TERF1: variants seen among roughly 807,000 people sequenced by gnomAD.
The protein encoded by TERF1 is telomeric repeat-binding factor 1.
A neutral mutation model predicts 55.1 loss-of-function variants in TERF1; 20 were observed. The observed-to-expected ratio is 0.36, with a 90% confidence interval of 0.26 to 0.53. TERF1 has a LOEUF of 0.53. Ranked by LOEUF, TERF1 falls within the 20% of genes least tolerant of loss-of-function variation. The pLI is 0.91. For synonymous variants in TERF1, 168 were observed against 181.2 expected (o/e 0.93, Z 0.59); for missense variants, 439 against 535.7 (o/e 0.82, Z 1.78).
intron 2 of TERF1, 132 bp downstream of exon 2, chr8:73,014,122 T>G (rs1404233204): frequency 2.9e-6 from 1 of 349,862 alleles, no homozygotes; most frequent in East Asian, 6.0e-5. Context: ...GGGGGGGTGG[T>G]GTGTGTGTGT....
intron 6 of TERF1, among the ~76,000 whole-genome samples, chr8:73,028,761 G>A (rs114170225): frequency 0.012 from 1,878 of 152,070 alleles, 22 homozygotes; most frequent in African/African-American, 0.036. Context: ...CCTATATGAA[G>A]TCTTGCCCAG....
intron 8 of TERF1, among the ~76,000 whole-genome samples, chr8:73,037,873 T>TATATATAAATATG (rs1554557028): frequency 1.3e-4 from 15 of 114,684 alleles, no homozygotes; most frequent in Non-Finnish European, 1.2e-4. Flanking sequence ...TGATATATAA[T>TATATATAAATATG]ATATATAAAT....
chr8:73,020,463 A>T (rs1268597569), intron 2 of TERF1, among the ~76,000 whole-genome samples: 1 of 152,156 alleles, frequency 6.6e-6, no homozygotes, highest in Admixed American at 6.5e-5. Flanking sequence ...TGTAAAGAAA[A>T]TCTTCAAATG....
At chr8:73,014,816 G>GT (rs1283789606) in intron 2 of TERF1, among the ~76,000 whole-genome samples, 1 of 152,190 alleles carries the variant, frequency 6.6e-6, no homozygotes, top group African/African-American at 2.4e-5. Context: ...AGTCTGCTTT[G>GT]TTTGGGGGGT....
intron 8 of TERF1, among the ~76,000 whole-genome samples, chr8:73,037,827 A>G (rs1464530272): frequency 1.1e-5 from 1 of 92,322 alleles, no homozygotes; most frequent in African/African-American, 4.1e-5. Flanking sequence ...TATAATATAT[A>G]GTATAATAAT....
At chr8:73,017,707 C>CTTTTTTTTTTTTT (rs71949936) in intron 2 of TERF1, among the ~76,000 whole-genome samples, 1 of 140,232 alleles carries the variant, frequency 7.1e-6, no homozygotes. Flanking sequence ...TATTTTTTTT[C>CTTTTTTTTTTTTT]TTTTTTTTTT....
At chr8:73,034,200 C>T (rs954044807) in intron 8 of TERF1, among the ~76,000 whole-genome samples, 3 of 152,112 alleles carry the variant, frequency 2.0e-5, no homozygotes, top group South Asian at 2.1e-4. Flanking sequence ...GGATCAATCT[C>T]GGCTCACTGC....
At chr8:73,038,791 T>C in intron 8 of TERF1, 1 of 955,866 alleles carries the variant, frequency 1.0e-6, no homozygotes, top group Non-Finnish European at 1.2e-6. Flanking sequence ...TCCTAAAACA[T>C]TATCGTAAGA....
At chr8:73,042,991 A>G (rs1809895555) in intron 9 of TERF1, 1 of 152,212 alleles carries the variant, frequency 6.6e-6, no homozygotes, top group Admixed American at 6.5e-5. Context: ...ATCTGGTACA[A>G]TCAGTTAAAT....
intron 2 of TERF1, among the ~76,000 whole-genome samples, chr8:73,015,628 G>A (rs2129735427): frequency 6.6e-6 from 1 of 152,050 alleles, no homozygotes; most frequent in Admixed American, 6.5e-5. Context: ...ACGAGGCCAG[G>A]CAATAAAGAC....
intron 9 of TERF1, among the ~76,000 whole-genome samples, chr8:73,039,575 TAAAAAC>T (rs1215362946): frequency 6.6e-6 from 1 of 152,174 alleles, no homozygotes; most frequent in East Asian, 1.9e-4. Flanking sequence ...TTTCTTTACT[TAAAAAC>T]AAAGAAAAGA....
intron 6 of TERF1, 111 bp from the exon 7 acceptor site, chr8:73,030,225 T>C: frequency 1.4e-6 from 1 of 691,068 alleles, no homozygotes; most frequent in Non-Finnish European, 2.3e-6. Context: ...AAGGTTTCTT[T>C]CCAAAGTTAT....
At chr8:73,012,966 TA>T (rs1335246034) in intron 1 of TERF1, 2 of 455,848 alleles carry the variant, frequency 4.4e-6, no homozygotes, top group Non-Finnish European at 8.8e-6. Context: ...AAATTCTATA[TA>T]AATTTTGTGC....
chr8:73,039,368 G>A, intron 9 of TERF1, 149 bp downstream of exon 9: 1 of 556,006 alleles, frequency 1.8e-6, no homozygotes, highest in Non-Finnish European at 3.2e-6. Flanking sequence ...TTAGATAGGT[G>A]ACTAATCAGC....
At chr8:73,014,992 G>A (rs1247200821) in intron 2 of TERF1, among the ~76,000 whole-genome samples, 1 of 152,222 alleles carries the variant, frequency 6.6e-6, no homozygotes, top group Non-Finnish European at 1.5e-5. Context: ...TGACACTGTT[G>A]TTAACAGGGT....
intron 8 of TERF1, chr8:73,038,630 C>G (rs1809703599): frequency 3.6e-6 from 1 of 278,018 alleles, no homozygotes. Flanking sequence ...TCTTTTAATT[C>G]TATTTGTAGA....
intron 1 of TERF1, chr8:73,011,884 A>T (rs1808295548): frequency 6.6e-6 from 1 of 151,470 alleles, no homozygotes; most frequent in African/African-American, 2.4e-5. Flanking sequence ...TTACTTTCTT[A>T]TCATTTATGT....
chr8:73,013,440 G>T (rs1185810910), intron 1 of TERF1, among the ~76,000 whole-genome samples: 3 of 152,146 alleles, frequency 2.0e-5, no homozygotes, highest in Non-Finnish European at 4.4e-5. Context: ...TGTAATCACT[G>T]CCTGACTCAA....
At chr8:73,043,947 G>A (rs1015655864) in intron 9 of TERF1, among the ~76,000 whole-genome samples, 1 of 152,174 alleles carries the variant, frequency 6.6e-6, no homozygotes, top group Non-Finnish European at 1.5e-5. Flanking sequence ...GCTCTTTAAA[G>A]AGAGTTTATG....
Sources: allele counts gnomAD v4.1 joint callset (sites outside exome capture counted in the v4.1 genomes callset), GRCh38; gene constraint gnomAD v4.1.1; transcripts MANE v1.5; gene names NCBI Gene and HGNC (gene_info 2026-07-23, HGNC 2026-07-21).